Variants in NRXN3 observed in about 807,000 individuals in gnomAD.
The protein encoded by NRXN3 is neurexin 3.
A neutral mutation model predicts 137.6 loss-of-function variants in NRXN3; 32 were observed. The observed-to-expected ratio is 0.23, with a 90% CI of 0.18 to 0.31. The LOEUF (loss-of-function observed/expected upper bound fraction) is 0.31. Among genes scored for constraint, NRXN3 ranks in the 10% least tolerant of loss-of-function variants. NRXN3 has a pLI of 1.00. For synonymous variants in NRXN3, 798 were observed against 784.5 expected (o/e 1.02, Z -0.29); for missense variants, 1,574 against 2,062.5 (o/e 0.76, Z 4.59).
intron 4 of NRXN3, among the ~76,000 whole-genome samples, chr14:78,494,680 C>T (rs892269183): frequency 1.7e-4 from 26 of 152,136 alleles, no homozygotes; most frequent in Admixed American, 1.7e-3. Context: ...TGATTCCTGC[C>T]CTGATTCAGA....
chr14:78,754,124 C>T (rs575424564), intron 8 of NRXN3, among the ~76,000 whole-genome samples: 5 of 152,220 alleles, frequency 3.3e-5, no homozygotes, highest in African/African-American at 9.6e-5. Context: ...GTTTGTAGTT[C>T]GAGGTTAGGC....
chr14:79,274,192 C>T (rs4486806), intron 15 of NRXN3, among the ~76,000 whole-genome samples: 6,083 of 151,556 alleles, frequency 0.04, 421 homozygotes, highest in African/African-American at 0.14. Context: ...GGCCGTGGAG[C>T]ACCAGAGCCC....
chr14:79,643,593 T>C (rs1482247309), intron 16 of NRXN3, among the ~76,000 whole-genome samples: 1 of 135,510 alleles, frequency 7.4e-6, no homozygotes, highest in African/African-American at 2.5e-5. Flanking sequence ...GGCCTCAACC[T>C]ACCTTTTTTT....
At chr14:79,404,629 G>A (rs750813155) in intron 15 of NRXN3, among the ~76,000 whole-genome samples, 3 of 152,118 alleles carry the variant, frequency 2.0e-5, no homozygotes, top group South Asian at 4.1e-4. Flanking sequence ...ATTAAATATC[G>A]AAAGAAACAC....
chr14:78,234,994 T>TTTTATATATATATATA (rs1411362918), intron 1 of NRXN3, among the ~76,000 whole-genome samples: 1 of 108,784 alleles, frequency 9.2e-6, no homozygotes, highest in African/African-American at 3.3e-5. Context: ...ACAAATGCTT[T>TTTTATATATATATATA]TATATATATA....
At chr14:78,344,368 A>G (rs956903963) in intron 4 of NRXN3, among the ~76,000 whole-genome samples, 1 of 152,250 alleles carries the variant, frequency 6.6e-6, no homozygotes, top group Admixed American at 6.5e-5. Context: ...ATTTACCTCC[A>G]GCAACTGCAT....
chr14:79,061,095 A>G (rs2099673687), intron 15 of NRXN3, among the ~76,000 whole-genome samples: 1 of 152,206 alleles, frequency 6.6e-6, no homozygotes, highest in African/African-American at 2.4e-5. Context: ...AAATTAATAA[A>G]TGGTCTACAG....
chr14:78,774,729 G>A (rs1311127909), intron 8 of NRXN3, among the ~76,000 whole-genome samples: 1 of 152,036 alleles, frequency 6.6e-6, no homozygotes, highest in East Asian at 1.9e-4. Context: ...ACCAGCTTGG[G>A]CAACATAGTG....
intron 1 of NRXN3, among the ~76,000 whole-genome samples, chr14:78,218,997 C>T (rs1351082617): frequency 6.6e-6 from 1 of 152,204 alleles, no homozygotes; most frequent in African/African-American, 2.4e-5. Flanking sequence ...ATTGCTTTCC[C>T]TCTGCGTGTA....
chr14:78,785,990 C>T (rs2153040473), intron 8 of NRXN3, among the ~76,000 whole-genome samples: 1 of 152,280 alleles, frequency 6.6e-6, no homozygotes, highest in African/African-American at 2.4e-5. Context: ...GATTATCCTC[C>T]TGCTGACTAG....
chr14:78,653,303 T>C (rs961317444), intron 6 of NRXN3, among the ~76,000 whole-genome samples: 1 of 152,184 alleles, frequency 6.6e-6, no homozygotes, highest in Admixed American at 6.6e-5. Flanking sequence ...ATGCACTGTC[T>C]AGTGAACCCT....
At chr14:79,656,243 C>T (rs72696784) in intron 16 of NRXN3, among the ~76,000 whole-genome samples, 1,996 of 152,264 alleles carry the variant, frequency 0.013, 52 homozygotes, top group African/African-American at 0.046. Context: ...TTATGGGAGA[C>T]GTTCAGTCTG....
chr14:78,285,238 T>C (rs2075011001), intron 3 of NRXN3, among the ~76,000 whole-genome samples: 1 of 152,188 alleles, frequency 6.6e-6, no homozygotes, highest in African/African-American at 2.4e-5. Flanking sequence ...CTAACTCTAG[T>C]AGTACCTATG....
chr14:79,135,768 C>T lies in NRXN3; in HGVS notation c.3262+147627C>T, dbSNP rs143316125. On this transcript the variant is annotated intron_variant, in intron 15 of 20. Coordinates refer to ENST00000335750, the MANE Select transcript of NRXN3 (RefSeq NM_001330195.2). ...GATAGCTAATTATTGGGCAGGCACT[C>T]TACATAAATTATTTCTTTTCATTCC... Among the ~76,000 whole-genome samples, 213 of 152,268 alleles carry T rather than the reference C, an allele frequency of 1.4e-3. 1 individual carries two copies. Among genetic ancestry groups the T allele is most frequent in the African/African-American group, 5.0e-3 (206 of 41,558 alleles).
intron 10 of NRXN3, among the ~76,000 whole-genome samples, chr14:78,877,815 A>C (rs997694716): frequency 2.6e-5 from 4 of 152,214 alleles, no homozygotes; most frequent in African/African-American, 9.6e-5. Context: ...ATTATTTAAT[A>C]AATAAACATA....
chr14:78,984,890 A>G (rs1271616682), intron 14 of NRXN3, among the ~76,000 whole-genome samples: 1 of 152,242 alleles, frequency 6.6e-6, no homozygotes, highest in Non-Finnish European at 1.5e-5. Context: ...TAGGAGCTCA[A>G]TCTTGAAAGG....
chr14:79,197,258 G>A (rs751100450), intron 15 of NRXN3, among the ~76,000 whole-genome samples: 9 of 152,182 alleles, frequency 5.9e-5, no homozygotes, highest in Non-Finnish European at 1.0e-4. Context: ...AGGGGATGAG[G>A]TCAAATTAGG....
At chr14:79,661,363 A>C (rs2153984556) in intron 16 of NRXN3, among the ~76,000 whole-genome samples, 1 of 152,236 alleles carries the variant, frequency 6.6e-6, no homozygotes, top group East Asian at 1.9e-4. Flanking sequence ...TGCATCCTTG[A>C]ATGCTCACAG....
chr14:79,220,032 C>T (rs757351094), intron 15 of NRXN3, among the ~76,000 whole-genome samples: 36 of 152,124 alleles, frequency 2.4e-4, no homozygotes, highest in Non-Finnish European at 5.1e-4. Flanking sequence ...ATAATTATGG[C>T]AATGGGTCTA....
Sources: gnomAD v4.1 joint callset for allele counts (sites outside exome capture counted in the v4.1 genomes callset) on GRCh38, gnomAD v4.1.1 for gene constraint, MANE v1.5 for transcripts, NCBI Gene and HGNC (gene_info 2026-07-23, HGNC 2026-07-21) for gene names.